The following PLB1 variants were observed in gnomAD, a reference collection of about 807,000 sequenced individuals.
PLB1 encodes the protein phospholipase B1, membrane-associated.
Under a neutral mutation model 227.4 loss-of-function variants are expected in PLB1, and 242 were observed. That is an observed-to-expected ratio of 1.06 (90% CI 0.96 to 1.18). The LOEUF (loss-of-function observed/expected upper bound fraction) is 1.18. Among genes scored for constraint, PLB1 ranks in the 50% most tolerant of loss-of-function variants. The probability of loss-of-function intolerance (pLI) is 0.00; values close to 1 mark genes in which losing one functional copy is unlikely to be tolerated. For missense variants in PLB1, 1,858 were observed against 1,816.3 expected (o/e 1.02, Z -0.42); for synonymous variants, 757 against 682.2 (o/e 1.11, Z -1.71).
intron 43 of PLB1, among the ~76,000 whole-genome samples, chr2:28,612,731 CT>C (rs1297597241): frequency 6.7e-6 from 1 of 149,738 alleles, no homozygotes; most frequent in Non-Finnish European, 1.5e-5. Flanking sequence ...GCCTCAACCT[CT>C]CAAGTAGCTG....
chr2:28,553,112 CTG>C (rs1268451174), intron 17 of PLB1, 121 bp downstream of exon 17: 1 of 793,156 alleles, frequency 1.3e-6, no homozygotes, highest in Non-Finnish European at 2.1e-6. Context: ...AGAAATAACT[CTG>C]TATGTATATT....
In PLB1 at chr2:28,560,967, T is replaced by C. The variant is rs139721401; in HGVS notation, c.1148-2074T>C. The stretch of plus-strand genomic sequence containing the variant: ...CTACCACATCCATCCATCACGCTTT[T>C]CCCTCCATCACCCGATCTCGCTCTC... On this transcript the variant is annotated intron_variant, in intron 17 of 57. Transcript: ENST00000327757. 3.4e-3 allele frequency among the ~76,000 whole-genome samples: 523 copies of C among 152,248 alleles called. 2 individuals are homozygous for C. Among genetic ancestry groups the C allele is most frequent in the African/African-American group, 0.012 (496 of 41,550 alleles).
chr2:28,590,655 G>A (rs1183270488), intron 29 of PLB1, among the ~76,000 whole-genome samples: 1 of 152,090 alleles, frequency 6.6e-6, no homozygotes, highest in Non-Finnish European at 1.5e-5. Flanking sequence ...AGGGCTCCCA[G>A]GCTGACACTG....
intron 20 of PLB1, among the ~76,000 whole-genome samples, chr2:28,571,779 A>G (rs11682359): frequency 0.013 from 1,949 of 152,288 alleles, 34 homozygotes; most frequent in South Asian, 0.05. Flanking sequence ...CACACTTTAT[A>G]CAAAAATTCA....
rs569880010 is a variant in PLB1, at chr2:28,549,272, A to T, written c.1008+341A>T. Among the ~76,000 whole-genome samples the T allele has an allele frequency of 6.6e-5, 10 of 152,250 alleles. No individual in the cohort carries two copies. The South Asian group carries it at 2.1e-3, about 32-fold the overall frequency. Reference sequence around the variant, plus strand: ...CCTCAGAGTGGCAAAGAAGGGAGGGATGGTGAGTATCTAAGTACCTGAAAA... The same window carrying T: ...CCTCAGAGTGGCAAAGAAGGGAGGGTTGGTGAGTATCTAAGTACCTGAAAA... On this transcript the variant is annotated intron_variant, in intron 15 of 57. Coordinates refer to ENST00000327757, the MANE Select transcript of PLB1 (RefSeq NM_153021.5).
chr2:28,573,246 T>G lies in PLB1; in HGVS notation c.1374T>G (p.Thr458=). ...NPSLKGFSVG[T]GKETSPNAFL... ...CCCTGAAGGGCTTCTCTGTTGGCAC[T>G]GGGAAAGAAACCAGTCCTAATGCCT... The change falls in exon 21 of 58, where the codon ACT becomes ACG. Residue 458 remains threonine, a synonymous_variant. Transcript: ENST00000327757. The G allele has an allele frequency of 6.2e-7, 1 of 1,614,140 alleles. No individual in the cohort carries two copies. The highest frequency in any genetic ancestry group is 8.5e-7 in the Non-Finnish European group (1 of 1,180,028).
intron 33 of PLB1, among the ~76,000 whole-genome samples, chr2:28,597,496 T>G (rs781534194): frequency 1.3e-5 from 2 of 152,146 alleles, no homozygotes; most frequent in Non-Finnish European, 2.9e-5. Flanking sequence ...GATGGGGCAT[T>G]GAAAGGTAGT....
rs779472996 is a variant in PLB1, at chr2:28,582,070, C to T, written c.1569C>T (p.Val523=). The T allele has an allele frequency of 6.2e-7, 1 of 1,613,168 alleles. No homozygotes were observed. Among genetic ancestry groups the T allele is most frequent in the East Asian group, 2.2e-5 (1 of 44,866 alleles). The change falls in exon 24 of 58, where the codon GTC becomes GTT. Residue 523 remains valine, a splice_region_variant and synonymous_variant. Transcript: ENST00000327757. ...AGGGACACTTCCTCTTCCTGCAGGT[C>T]CACTATTCTCCCCAGAACTTCACAG... is the stretch of plus-strand genomic sequence containing the variant. The part of the protein sequence containing the change: ...NDLCDFCNDL[V]HYSPQNFTDN...
chr2:28,572,868 C>T (rs1391412844), intron 20 of PLB1, among the ~76,000 whole-genome samples: 1 of 152,106 alleles, frequency 6.6e-6, no homozygotes, highest in African/African-American at 2.4e-5. Flanking sequence ...AGTTATTGAA[C>T]TGTATACTTT....
chr2:28,525,353 C>T (rs369594302), intron 5 of PLB1, 46 bp downstream of exon 5: 80 of 1,581,202 alleles, frequency 5.1e-5, no homozygotes, highest in Non-Finnish European at 6.4e-5. Flanking sequence ...CCCGGAGATG[C>T]TCCCATCTAA....
intron 51 of PLB1, among the ~76,000 whole-genome samples, chr2:28,627,155 C>A (rs1451792181): frequency 5.3e-5 from 8 of 152,184 alleles, no homozygotes; most frequent in Non-Finnish European, 2.9e-5. Context: ...GGGGAAAAGG[C>A]ATTTATCACT....
chr2:28,523,379 T>C (rs1246822180), intron 4 of PLB1, among the ~76,000 whole-genome samples: 6 of 150,366 alleles, frequency 4.0e-5, no homozygotes, highest in Admixed American at 2.0e-4. Context: ...GTCATAGATA[T>C]TTTTCCTTGC....
intron 9 of PLB1, among the ~76,000 whole-genome samples, chr2:28,534,589 C>T (rs1198992886): frequency 6.6e-6 from 1 of 152,188 alleles, no homozygotes; most frequent in Non-Finnish European, 1.5e-5. Context: ...GGCGCGGTGG[C>T]TCACGCCTGT....
At position 28,578,160 on chromosome 2, in the gene PLB1, T is replaced by C. The variant is rs1679313593; in HGVS notation, c.1485+2T>C. 1.9e-6 allele frequency: 3 copies of C among 1,613,714 alleles called. No individual in the cohort carries two copies. The highest frequency in any genetic ancestry group is 2.5e-6 in the Non-Finnish European group (3 of 1,179,806). On this transcript the variant is annotated splice_donor_variant, in intron 22 of 57. Coordinates refer to ENST00000327757, the MANE Select transcript of PLB1 (RefSeq NM_153021.5). LOFTEE classifies it high-confidence loss of function. The stretch of plus-strand genomic sequence containing the variant: ...GTGGACCTGATGAAGAATGACACGG[T>C]GGGTCCCTGGGATGGGAAGTAGGCA...
At chr2:28,583,962 A>G (rs1157574294) in intron 25 of PLB1, among the ~76,000 whole-genome samples, 2 of 152,150 alleles carry the variant, frequency 1.3e-5, no homozygotes, top group Non-Finnish European at 2.9e-5. Flanking sequence ...ACGTTCCTCT[A>G]AGTGAAGCAT....
chr2:28,511,454 T>G (rs960015745), intron 1 of PLB1, among the ~76,000 whole-genome samples: 1 of 152,192 alleles, frequency 6.6e-6, no homozygotes, highest in Non-Finnish European at 1.5e-5. Context: ...TACCTACATA[T>G]TTATTCTTTC....
In PLB1 at chr2:28,585,783, A is replaced by T; in HGVS notation, c.1756A>T (p.Lys586Ter). The T allele has an allele frequency of 6.2e-7, 1 of 1,611,246 alleles. No individual in the cohort carries two copies. Among genetic ancestry groups the T allele is most frequent in the Non-Finnish European group, 8.5e-7 (1 of 1,177,390 alleles). ...ILRSLCPCVL[K>*]FDDNSTELAT... ...CAGGTCTCTGTGTCCCTGTGTCCTGAAGTTTGATGATAACTCAACAGAACT... is the reference window on the plus strand; with the variant it reads ...CAGGTCTCTGTGTCCCTGTGTCCTGTAGTTTGATGATAACTCAACAGAACT... The change falls in exon 26 of 58, where the codon AAG becomes TAG. Residue 586 changes from lysine to a stop codon, truncating the protein, a stop_gained. Transcript: ENST00000327757. LOFTEE classifies it high-confidence loss of function.
intron 14 of PLB1, among the ~76,000 whole-genome samples, chr2:28,545,700 G>A (rs1316559446): frequency 6.6e-6 from 1 of 152,194 alleles, no homozygotes; most frequent in Non-Finnish European, 1.5e-5. Context: ...TCCTCCAGGT[G>A]CGGGGAGGGC....
At chr2:28,548,564 A>T (rs1558729665) in intron 14 of PLB1, 1 of 500,782 alleles carries the variant, frequency 2.0e-6, no homozygotes, top group Non-Finnish European at 4.0e-6. Context: ...CTTCTAGGAG[A>T]GGTAGACTAG....
Sources: allele counts gnomAD v4.1 joint callset (sites outside exome capture counted in the v4.1 genomes callset), GRCh38; gene constraint gnomAD v4.1.1; transcripts MANE v1.5; gene names NCBI Gene and HGNC (gene_info 2026-07-23, HGNC 2026-07-21).